The following ITPR1 variants were observed in gnomAD, a reference collection of about 807,000 sequenced individuals.
ITPR1 encodes inositol 1,4,5-trisphosphate-gated calcium channel ITPR1.
ITPR1 carries 96 observed loss-of-function variants against 318.4 expected under a neutral mutation model. The ratio of observed to expected loss-of-function variants is 0.30; its 90% CI spans 0.26 to 0.36. The LOEUF is 0.36. Among genes scored for constraint, ITPR1 ranks in the 10% least tolerant of loss-of-function variants. The pLI is 1.00. For synonymous variants in ITPR1, 1,312 were observed against 1,289.9 expected, an observed-to-expected ratio of 1.02 and a Z score of -0.37; for missense variants, 2,440 against 3,460.2, an observed-to-expected ratio of 0.71 and a Z score of 7.40.
intron 59 of ITPR1, among the ~76,000 whole-genome samples, chr3:4,817,116 T>A (rs1415873382): frequency 6.6e-6 from 1 of 152,248 alleles, no homozygotes; most frequent in East Asian, 1.9e-4. Context: ...TCGTTTTCTA[T>A]GTACTTTCTT....
At chr3:4,623,616 AGGGCCC>A (rs1403498992) in intron 4 of ITPR1, among the ~76,000 whole-genome samples, 4 of 152,206 alleles carry the variant, frequency 2.6e-5, no homozygotes, top group African/African-American at 9.6e-5. Context: ...GCAGAGTGTT[AGGGCCC>A]AGTGCAAGTT....
In ITPR1 at chr3:4,710,146, G is replaced by T. The variant is rs1326424410; in HGVS notation, c.4843-179G>T. On this transcript the variant is annotated intron_variant, in intron 37 of 61. Transcript: ENST00000649015. The surrounding 1 kb of genome is among the most constrained non-coding windows in gnomAD (Gnocchi z 4.2). ...TTTTCACTTTGTTTTCTGCATCAGA[G>T]GCTAATGTTTCAGGTAACCATTGGG... Among the ~76,000 whole-genome samples the T allele has an allele frequency of 2.0e-5, 3 of 152,186 alleles. No individual in the cohort carries two copies. The highest frequency in any genetic ancestry group is 7.2e-5 in the African/African-American group (3 of 41,436).
intron 44 of ITPR1, among the ~76,000 whole-genome samples, chr3:4,753,226 A>G: frequency 6.6e-6 from 1 of 151,874 alleles, no homozygotes; most frequent in East Asian, 1.9e-4. Flanking sequence ...CTGCTCCACC[A>G]GGGTGATGGG....
At chr3:4,609,014 A>AC (rs2091896370) in intron 4 of ITPR1, among the ~76,000 whole-genome samples, 2 of 136,002 alleles carry the variant, frequency 1.5e-5, no homozygotes, top group African/African-American at 2.8e-5. Context: ...AAAAAAAAAA[A>AC]AAAAAAAAAA....
At chr3:4,513,066 C>G (rs1257106128) in intron 2 of ITPR1, among the ~76,000 whole-genome samples, 1 of 152,070 alleles carries the variant, frequency 6.6e-6, no homozygotes, top group Non-Finnish European at 1.5e-5. Flanking sequence ...ACATAGGAGC[C>G]CTGAGTGCAG....
chr3:4,567,003 G>T (rs1222906578), intron 4 of ITPR1, among the ~76,000 whole-genome samples: 1 of 152,204 alleles, frequency 6.6e-6, no homozygotes, highest in East Asian at 1.9e-4. Context: ...AATCCTGGCA[G>T]TGCCACTTAT....
intron 60 of ITPR1, among the ~76,000 whole-genome samples, chr3:4,830,219 G>A (rs546045410): frequency 1.8e-4 from 28 of 151,706 alleles, no homozygotes; most frequent in Non-Finnish European, 2.5e-4. Flanking sequence ...CAGGTGATCC[G>A]TCCACCTCAG....
chr3:4,521,743 C>T (rs1034399080), intron 4 of ITPR1, among the ~76,000 whole-genome samples: 1 of 152,102 alleles, frequency 6.6e-6, no homozygotes, highest in Non-Finnish European at 1.5e-5. Context: ...GTAGCATGCA[C>T]CTGTAGTCCC....
Position 4,786,831 on chromosome 3 carries a change from T to C in ITPR1, c.6616-1116T>C, listed in dbSNP as rs2047227877. On this transcript the variant is annotated intron_variant, in intron 51 of 61. Coordinates refer to ENST00000649015, the MANE Select transcript of ITPR1 (RefSeq NM_001378452.1). ...AGAGTTAAATAGGCATGTTGGTTCATGTATTGTATGTTTTAGATCCTTTGA... is the reference window on the plus strand; with the variant it reads ...AGAGTTAAATAGGCATGTTGGTTCACGTATTGTATGTTTTAGATCCTTTGA... Among the ~76,000 whole-genome samples the C allele has an allele frequency of 1.3e-5, 2 of 152,208 alleles. 1 individual carries two copies. The highest frequency in any genetic ancestry group is 1.3e-4 in the Admixed American group (2 of 15,278).
chr3:4,625,540 C>T (rs960997783), intron 4 of ITPR1, among the ~76,000 whole-genome samples: 1 of 151,830 alleles, frequency 6.6e-6, no homozygotes, highest in African/African-American at 2.4e-5. Flanking sequence ...TCAGTATCCA[C>T]TTCAAGTTCG....
intron 4 of ITPR1, among the ~76,000 whole-genome samples, chr3:4,536,352 G>A (rs1286538503): frequency 1.3e-5 from 2 of 152,168 alleles, no homozygotes; most frequent in Admixed American, 6.5e-5. Flanking sequence ...ATATTTAAGG[G>A]AATACAAATG....
chr3:4,824,657 G>T (rs2049954062), intron 60 of ITPR1, among the ~76,000 whole-genome samples: 1 of 152,180 alleles, frequency 6.6e-6, no homozygotes, highest in African/African-American at 2.4e-5. Flanking sequence ...CAAGATGCAG[G>T]AAAGGCCCCT....
chr3:4,674,140 C>T (rs2094140858), intron 21 of ITPR1, 62 bp from the exon 22 acceptor site: 1 of 1,397,250 alleles, frequency 7.2e-7, no homozygotes, highest in Admixed American at 2.4e-5. Context: ...CTGAGTGACC[C>T]AGGAAGACCT....
chr3:4,662,163 T>G lies in ITPR1; in HGVS notation c.1333T>G (p.Phe445Val). Residue 445 changes from phenylalanine to valine, a missense_variant, in exon 15 of 62, where the codon TTT (phenylalanine) becomes GTT (valine). Physicochemically the swap from Phe to Val is conservative, Grantham distance 50. This residue lies in a region of ITPR1 where 478 missense variants were observed against 696.3 expected (regional missense o/e 0.69). Coordinates refer to ENST00000649015, the MANE Select transcript of ITPR1 (RefSeq NM_001378452.1). The part of the protein sequence containing the change: ...VSPAEVRDLD[F>V]ANDASKVLGS... ...TCCTGCTGAAGTTCGGGACCTGGAC[T>G]TTGCCAATGATGCCAGCAAGGTGCT... 6.2e-7 allele frequency: 1 copy of G among 1,613,568 alleles called. No individual in the cohort carries two copies. The highest frequency in any genetic ancestry group is 8.5e-7 in the Non-Finnish European group (1 of 1,179,624).
chr3:4,759,682 T>C (rs767608525), intron 44 of ITPR1, among the ~76,000 whole-genome samples: 1 of 152,218 alleles, frequency 6.6e-6, no homozygotes, highest in Non-Finnish European at 1.5e-5. Flanking sequence ...CTTTTGTCTT[T>C]TATCTAGCGG....
intron 52 of ITPR1, among the ~76,000 whole-genome samples, chr3:4,794,290 C>T (rs1160170064): frequency 6.6e-6 from 1 of 152,204 alleles, no homozygotes; most frequent in Non-Finnish European, 1.5e-5. Context: ...AACCTGTGGG[C>T]AGCGGTGGAT....
At chr3:4,658,457 T>G (rs2093761443) in intron 13 of ITPR1, among the ~76,000 whole-genome samples, 179 bp downstream of exon 13, 1 of 151,908 alleles carries the variant, frequency 6.6e-6, no homozygotes, top group African/African-American at 2.4e-5. Flanking sequence ...TCACCATTGA[T>G]AAGTTCTCAG....
Position 4,683,745 on chromosome 3 carries a change from C to A in ITPR1, c.3445C>A (p.Pro1149Thr), listed in dbSNP as rs369999170. Residue 1149 changes from proline (P) to threonine (T), a missense_variant, in exon 28 of 62, where the codon CCC becomes ACC. Around this residue, in one of 23 missense-constraint regions of ITPR1, gnomAD observed 86 missense variants for 75.6 expected, o/e 1.14. Transcript: ENST00000649015. ...GCTTTGGGTGTACAAAGGGCAGGGCCCCGATGAGACTATGGATGGTGCATC... is the reference window on the plus strand; with the variant it reads ...GCTTTGGGTGTACAAAGGGCAGGGCACCGATGAGACTATGGATGGTGCATC... The part of the protein sequence containing the change: ...SELWVYKGQG[P>T]DETMDGASGE... 6.2e-7 allele frequency: 1 copy of A among 1,613,828 alleles called. No individual in the cohort carries two copies. Among genetic ancestry groups the A allele is most frequent in the South Asian group, 1.1e-5 (1 of 91,058 alleles).
intron 44 of ITPR1, chr3:4,750,211 C>A (rs767075813): frequency 6.6e-6 from 1 of 152,138 alleles, no homozygotes; most frequent in Non-Finnish European, 1.5e-5. Flanking sequence ...AGATTCCATA[C>A]CTGCTGTTGT....
Sources: gnomAD v4.1 joint callset for allele counts (sites outside exome capture counted in the v4.1 genomes callset) on GRCh38, gnomAD v4.1.1 for gene constraint, gnomAD v4.1.1 regional missense constraint, Gnocchi (gnomAD v3.1) non-coding constraint, MANE v1.5 for transcripts, NCBI Gene and HGNC (gene_info 2026-07-23, HGNC 2026-07-21) for gene names.